GABRA3: variants seen among roughly 807,000 people sequenced by gnomAD.
The protein encoded by GABRA3 is gamma-aminobutyric acid type A receptor subunit alpha3.
In GABRA3, 10 loss-of-function variants were observed where a neutral mutation model predicts 30.1. The ratio of observed to expected loss-of-function variants is 0.33; its 90% confidence interval spans 0.20 to 0.56. The LOEUF is 0.56. Ranked by LOEUF, GABRA3 falls within the 20% of genes least tolerant of loss-of-function variation. The pLI, the probability that GABRA3 is intolerant of heterozygous loss-of-function variation, is 0.89. For synonymous variants in GABRA3, 151 were observed against 146.8 expected (o/e 1.03, Z -0.21); for missense variants, 233 against 392.0 (o/e 0.59, Z 3.42).
intron 3 of GABRA3, among the ~76,000 whole-genome samples, chrX:152,300,470 C>T (rs1046130891): frequency 9.0e-6 from 1 of 111,361 alleles, no homozygotes; most frequent in African/African-American, 3.3e-5. Flanking sequence ...ATTCAAAATG[C>T]CCTAGATAAA....
At chrX:152,207,906 G>A in intron 7 of GABRA3, 95 bp downstream of exon 7, 1 of 801,940 alleles carries the variant, frequency 1.2e-6, no homozygotes, top group Admixed American at 3.0e-5. Flanking sequence ...TCACAACATT[G>A]TTTTGAAGAT....
intron 1 of GABRA3, among the ~76,000 whole-genome samples, chrX:152,373,748 G>C (rs1047647058): frequency 3.6e-5 from 4 of 110,393 alleles, no homozygotes; most frequent in African/African-American, 9.9e-5. Context: ...ATTTACGTTA[G>C]GTATTTCTCC....
chrX:152,386,392 T>C (rs1569414507), intron 1 of GABRA3, among the ~76,000 whole-genome samples: 1 of 111,060 alleles, frequency 9.0e-6, no homozygotes, highest in Non-Finnish European at 1.9e-5. Context: ...TTTCACAACC[T>C]ACTCATCTGA....
intron 3 of GABRA3, among the ~76,000 whole-genome samples, chrX:152,286,158 T>G (rs1939292767): frequency 1.1e-5 from 1 of 88,855 alleles, no homozygotes. Context: ...TTATATACTA[T>G]AAGTATAGTA....
rs113757505 is a variant in GABRA3 at position 152,237,267 on chromosome X, T to G, written c.552-12422A>C. ...TTAAATAGGGAATCCTTTCCCCATT[T>G]CTTGTTTTTCTCAGGTTTGTCAAAG... On this transcript the variant is annotated intron_variant, in intron 5 of 9. Transcript: ENST00000370314. 4.0e-3 allele frequency among the ~76,000 whole-genome samples: 432 copies of G among 108,839 alleles called. 2 individuals carry two copies. The highest frequency in any genetic ancestry group is 6.9e-3 in the Non-Finnish European group (359 of 52,185). 94.5% of individuals were successfully genotyped at this position (108,839 alleles called of 115,157 possible). A position where few individuals can be genotyped will look rare whatever the true frequency, so the allele number is the denominator to read the frequency against.
chrX:152,177,257 C>T (rs1044487315), intron 9 of GABRA3, among the ~76,000 whole-genome samples: 1 of 111,632 alleles, frequency 9.0e-6, no homozygotes, highest in Non-Finnish European at 1.9e-5. Flanking sequence ...AATGAAGAAG[C>T]TGCTGGGGCA....
At chrX:152,436,645 T>A (rs916187676) in intron 1 of GABRA3, among the ~76,000 whole-genome samples, 26 of 111,564 alleles carry the variant, frequency 2.3e-4, no homozygotes, top group Admixed American at 1.5e-3. Context: ...CATACTCTTG[T>A]CAACAAATGG....
At chrX:152,372,321 C>G (rs1235365887) in intron 1 of GABRA3, among the ~76,000 whole-genome samples, 2 of 111,479 alleles carry the variant, frequency 1.8e-5, no homozygotes, top group African/African-American at 6.5e-5. Flanking sequence ...TTCGGTCTCC[C>G]CTACTCATAC....
At chrX:152,294,359 A>G (rs1407528409) in intron 3 of GABRA3, among the ~76,000 whole-genome samples, 1 of 110,106 alleles carries the variant, frequency 9.1e-6, no homozygotes, top group Non-Finnish European at 1.9e-5. Flanking sequence ...TTCTCTTCTC[A>G]CTTGATTTCA....
intron 5 of GABRA3, among the ~76,000 whole-genome samples, chrX:152,231,266 T>C (rs1250904282): frequency 9.6e-6 from 1 of 103,726 alleles, no homozygotes; most frequent in Non-Finnish European, 2.0e-5. Flanking sequence ...TATGTATATA[T>C]ACACGTATAT....
At chrX:152,244,910 C>G (rs1938438622) in intron 5 of GABRA3, among the ~76,000 whole-genome samples, 1 of 111,653 alleles carries the variant, frequency 9.0e-6, no homozygotes, top group Non-Finnish European at 1.9e-5. Flanking sequence ...AATATCAAAT[C>G]ATTCTTAGAC....
intron 1 of GABRA3, among the ~76,000 whole-genome samples, chrX:152,407,203 G>A (rs1929958238): frequency 9.0e-6 from 1 of 111,017 alleles, no homozygotes; most frequent in Non-Finnish European, 1.9e-5. Context: ...CAAACTCAAA[G>A]TTAGTAGAAG....
intron 5 of GABRA3, among the ~76,000 whole-genome samples, chrX:152,238,701 T>C (rs1238217748): frequency 7.4e-4 from 80 of 108,529 alleles, no homozygotes; most frequent in African/African-American, 2.5e-3. Context: ...GAGATTCAAC[T>C]TCTTCCTGGT....
chrX:152,404,427 C>CA (rs1346917370), intron 1 of GABRA3, among the ~76,000 whole-genome samples: 4 of 108,111 alleles, frequency 3.7e-5, no homozygotes, highest in East Asian at 2.9e-4. Context: ...CAGAGGCAGA[C>CA]AAAAAAAAAG....
intron 1 of GABRA3, among the ~76,000 whole-genome samples, chrX:152,411,810 G>T (rs1166705560): frequency 9.0e-6 from 1 of 111,601 alleles, no homozygotes; most frequent in Non-Finnish European, 1.9e-5. Context: ...GAAAATATTT[G>T]TTCATCATCT....
chrX:152,307,254 G>A (rs1481711206), intron 3 of GABRA3, among the ~76,000 whole-genome samples: 2 of 111,745 alleles, frequency 1.8e-5, no homozygotes, highest in Non-Finnish European at 3.8e-5. Flanking sequence ...ATTAAATAAG[G>A]GATGCTGGAT....
intron 7 of GABRA3, among the ~76,000 whole-genome samples, chrX:152,199,332 C>T (rs1341722153): frequency 5.8e-5 from 6 of 103,513 alleles, no homozygotes; most frequent in Admixed American, 2.1e-4. Context: ...TGCCACTGCA[C>T]TCCAGCCTGG....
Position 152,292,365 on chromosome X carries a change from T to C in GABRA3, c.263-7630A>G, listed in dbSNP as rs1168648459. Among the ~76,000 whole-genome samples, 3 of 112,069 alleles carry C rather than the reference T, an allele frequency of 2.7e-5. No homozygotes were observed. The Admixed American group carries it at 2.8e-4, about 11-fold the overall frequency. On this transcript the variant is annotated intron_variant, in intron 3 of 9. Coordinates refer to ENST00000370314, the MANE Select transcript of GABRA3 (RefSeq NM_000808.4). ...TTTCTGATGTAGTTTGTATTGATGT[T>C]TGTATTTCTGTGGGATCGGTGGTGA...
At chrX:152,286,158 T>TAA (rs1477571860) in intron 3 of GABRA3, among the ~76,000 whole-genome samples, 1 of 88,855 alleles carries the variant, frequency 1.1e-5, no homozygotes, top group East Asian at 3.3e-4. Context: ...TTATATACTA[T>TAA]AAGTATAGTA....
Sources: gnomAD v4.1 joint callset for allele counts (sites outside exome capture counted in the v4.1 genomes callset) on GRCh38, gnomAD v4.1.1 for gene constraint, MANE v1.5 for transcripts, NCBI Gene and HGNC (gene_info 2026-07-23, HGNC 2026-07-21) for gene names.